The following INCENP variants were observed in gnomAD, a reference collection of about 807,000 sequenced individuals.
The protein encoded by INCENP is inner centromere protein, also known as binds and activates aurora-B and -C in vivo and in vitro.
INCENP carries 43 observed loss-of-function variants against 107.3 expected under a neutral mutation model. The observed-to-expected ratio is 0.40, with a 90% confidence interval of 0.31 to 0.52. The LOEUF (loss-of-function observed/expected upper bound fraction) is 0.52, where lower values mean the gene tolerates loss of function less well. Ranked by LOEUF, INCENP falls within the 20% of genes least tolerant of loss-of-function variation. The pLI, the probability that INCENP is intolerant of heterozygous loss-of-function variation, is 0.53. For missense variants in INCENP, 1,089 were observed against 1,250.9 expected, an observed-to-expected ratio of 0.87 and a Z score of 1.95; for synonymous variants, 488 against 494.4, an observed-to-expected ratio of 0.99 and a Z score of 0.17.
chr11:62,130,032 G>T lies in INCENP; in HGVS notation c.505G>T (p.Val169Leu). 1 of 1,614,038 alleles carries T rather than the reference G, an allele frequency of 6.2e-7. No individual in the cohort carries two copies. Among genetic ancestry groups the T allele is most frequent in the South Asian group, 1.1e-5 (1 of 91,084 alleles). ...NHTQCQLVPV[V>L]EIGISERQNA... is the part of the protein sequence containing the mutation. Reference sequence around the variant, plus strand: ...CACCCAGTGCCAGCTGGTGCCTGTGGTGGAGATCGGCATCAGTGAGCGCCA... The same window carrying T: ...CACCCAGTGCCAGCTGGTGCCTGTGTTGGAGATCGGCATCAGTGAGCGCCA... Residue 169 changes from valine to leucine, a missense_variant, in exon 4 of 19, where the codon GTG becomes TTG. Transcript: ENST00000394818.
At chr11:62,139,472 C>T (rs1046933814) in intron 7 of INCENP, among the ~76,000 whole-genome samples, 7 of 152,294 alleles carry the variant, frequency 4.6e-5, no homozygotes, top group East Asian at 1.9e-4. Flanking sequence ...GCTCACATCT[C>T]CCTGAGAAGG....
chr11:62,139,050 G>A (rs771575096), intron 7 of INCENP, 45 bp downstream of exon 7: 6 of 1,396,556 alleles, frequency 4.3e-6, no homozygotes, highest in African/African-American at 2.8e-5. Context: ...GAGCCACAGC[G>A]GGCCTTGGCG....
chr11:62,128,920 G>A (rs1020514424), intron 3 of INCENP, 37 bp downstream of exon 3: 2 of 1,351,708 alleles, frequency 1.5e-6, no homozygotes, highest in South Asian at 1.2e-5. Context: ...TGAGCAGTGG[G>A]CTCTGCGGAG....
chr11:62,140,562 G>A, intron 8 of INCENP, 142 bp from the exon 9 acceptor site: 1 of 726,424 alleles, frequency 1.4e-6, no homozygotes, highest in South Asian at 1.8e-5. Flanking sequence ...GTGGGCAGCA[G>A]AGGGTTGCTT....
intron 4 of INCENP, 26 bp downstream of exon 4, chr11:62,130,616 G>A (rs766532264): frequency 1.3e-5 from 20 of 1,588,514 alleles, no homozygotes; most frequent in African/African-American, 2.7e-5. Context: ...TGGCAGTGGC[G>A]GGTGGTCCTT....
At chr11:62,148,688 G>C (rs1199747780) in intron 16 of INCENP, 51 bp from the exon 17 acceptor site, 1 of 1,461,086 alleles carries the variant, frequency 6.8e-7, no homozygotes, top group Non-Finnish European at 9.3e-7. Context: ...GGGAGGGGAG[G>C]GAAGGGCACC....
At chr11:62,144,877 C>T in intron 11 of INCENP, 105 bp from the exon 12 acceptor site, 1 of 996,844 alleles carries the variant, frequency 1.0e-6, no homozygotes, top group Non-Finnish European at 1.6e-6. Flanking sequence ...TCTGATGCTG[C>T]CACCCACGTG....
Position 62,140,808 on chromosome 11 carries a change from G to T in INCENP, c.1448G>T (p.Cys483Phe), listed in dbSNP as rs777207002. The T allele has an allele frequency of 6.8e-6, 11 of 1,613,292 alleles. No homozygotes were observed. The Admixed American group carries it at 1.8e-4, about 27-fold the overall frequency. Reference sequence around the variant, plus strand: ...AGGAGCAAGACCCCTTCCTCACCCTGCCCAGCCAGCAAGGTGAGCCAGGCA... The same window carrying T: ...AGGAGCAAGACCCCTTCCTCACCCTTCCCAGCCAGCAAGGTGAGCCAGGCA... ...PPRSKTPSSPCPASKVVRPLR... is the reference protein window; with the variant it reads ...PPRSKTPSSPFPASKVVRPLR... Residue 483 changes from cysteine to phenylalanine, a missense_variant, in exon 9 of 19, where the codon TGC (cysteine) becomes TTC (phenylalanine). By Grantham distance (205) the Cys-to-Phe change is radical. Coordinates refer to ENST00000394818, the MANE Select transcript of INCENP (RefSeq NM_001040694.2).
At chr11:62,128,064 G>T in intron 1 of INCENP, 87 bp from the exon 2 acceptor site, 2 of 1,351,732 alleles carry the variant, frequency 1.5e-6, no homozygotes, top group Non-Finnish European at 2.1e-6. Flanking sequence ...TGGTGGTTGT[G>T]GGTCAGGTGG....
intron 4 of INCENP, among the ~76,000 whole-genome samples, chr11:62,131,178 TG>T (rs1158499117): frequency 1.3e-5 from 2 of 152,226 alleles, no homozygotes; most frequent in Non-Finnish European, 2.9e-5. Flanking sequence ...AAGCTGACTC[TG>T]GAGCTGGCCG....
At chr11:62,151,726 G>T (rs754925769) in intron 18 of INCENP, 36 bp from the exon 19 acceptor site, 2 of 1,575,076 alleles carry the variant, frequency 1.3e-6, no homozygotes, top group Admixed American at 1.7e-5. Context: ...TTCATGGAGA[G>T]CCCCAAGGCA....
At chr11:62,127,049 T>G (rs1304310411) in intron 1 of INCENP, among the ~76,000 whole-genome samples, 1 of 151,714 alleles carries the variant, frequency 6.6e-6, no homozygotes, top group Admixed American at 6.6e-5. Context: ...TTTTGTTTTT[T>G]TTTTTTTGAG....
chr11:62,137,233 G>A (rs1482153532), intron 4 of INCENP, among the ~76,000 whole-genome samples: 2 of 152,140 alleles, frequency 1.3e-5, no homozygotes, highest in African/African-American at 4.8e-5. Context: ...AACCCAGGAG[G>A]CAGTGGTTGC....
At chr11:62,144,920 T>C (rs1039661860) in intron 11 of INCENP, 62 bp from the exon 12 acceptor site, 1 of 1,459,176 alleles carries the variant, frequency 6.9e-7, no homozygotes, top group Admixed American at 1.8e-5. Context: ...GGGCAGCTTT[T>C]GGGGCTGGGT....
chr11:62,138,864 C>G (rs1944049016), intron 6 of INCENP, 24 bp from the exon 7 acceptor site: 1 of 1,607,378 alleles, frequency 6.2e-7, no homozygotes, highest in African/African-American at 1.3e-5. Flanking sequence ...GTCAAGACCC[C>G]TAAAGCCTTG....
chr11:62,149,362 G>A (rs762852009), intron 17 of INCENP, among the ~76,000 whole-genome samples: 2 of 152,070 alleles, frequency 1.3e-5, no homozygotes, highest in African/African-American at 4.8e-5. Flanking sequence ...GAATTCAGCC[G>A]GCTCCTCTTG....
chr11:62,130,943 T>C (rs572676758), intron 4 of INCENP, among the ~76,000 whole-genome samples: 2 of 152,342 alleles, frequency 1.3e-5, no homozygotes, highest in South Asian at 2.1e-4. Context: ...GGTCGGCCAC[T>C]GTGTGGCTGT....
intron 15 of INCENP, 101 bp from the exon 16 acceptor site, chr11:62,148,375 T>A: frequency 9.5e-7 from 1 of 1,052,216 alleles, no homozygotes. Context: ...CTTTCTAAGG[T>A]GTGTCCTACT....
chr11:62,148,323 G>A (rs1028029305), intron 15 of INCENP, among the ~76,000 whole-genome samples, 153 bp from the exon 16 acceptor site: 17 of 152,334 alleles, frequency 1.1e-4, no homozygotes, highest in Non-Finnish European at 1.5e-4. Flanking sequence ...GGGCAAAAGC[G>A]CAGCTCTTGG....
Sources: allele counts gnomAD v4.1 joint callset (sites outside exome capture counted in the v4.1 genomes callset), GRCh38; gene constraint gnomAD v4.1.1; transcripts MANE v1.5; gene names NCBI Gene and HGNC (gene_info 2026-07-23, HGNC 2026-07-21).